NADK: variants seen among roughly 807,000 people sequenced by gnomAD.
NADK encodes NAD kinase, also known as poly(P)/ATP NAD kinase.
In NADK, 22 loss-of-function variants were observed where a neutral mutation model predicts 49.8. That is an observed-to-expected ratio of 0.44 (90% confidence interval 0.32 to 0.63). NADK has a LOEUF of 0.63. Among genes scored for constraint, NADK ranks in the 30% least tolerant of loss-of-function variants. The pLI is 0.06. For synonymous variants in NADK, 268 were observed against 253.7 expected, an observed-to-expected ratio of 1.06 and a Z score of -0.54; for missense variants, 438 against 609.4, an observed-to-expected ratio of 0.72 and a Z score of 2.96.
chr1:1,769,371 AC>A (rs1645979075), intron 1 of NADK, among the ~76,000 whole-genome samples: 2 of 152,168 alleles, frequency 1.3e-5, no homozygotes, highest in Admixed American at 1.3e-4. Context: ...ACATGGCGAA[AC>A]CCCGTCTCTA....
intron 11 of NADK, among the ~76,000 whole-genome samples, 183 bp downstream of exon 11, chr1:1,753,384 C>T (rs895962527): frequency 2.6e-5 from 4 of 152,174 alleles, no homozygotes; most frequent in Non-Finnish European, 2.9e-5. Flanking sequence ...CATGTGCCAC[C>T]GTATGCGACC....
chr1:1,753,002 T>C lies in NADK; in HGVS notation c.1243A>G (p.Ser415Gly). The C allele has an allele frequency of 3.1e-6, 5 of 1,608,490 alleles. No homozygotes were observed. Among genetic ancestry groups the C allele is most frequent in the Non-Finnish European group, 4.2e-6 (5 of 1,177,852 alleles). Residue 415 changes from serine (S) to glycine (G), a missense_variant, in exon 12 of 12, where the codon AGC becomes GGC. Transcript: ENST00000341426. ...LPSICVRDPV[S>G]DWFESLAQCL... ...TGGGCGAGGCTCTCAAACCAGTCGC[T>C]CACGGGGTCCCGCACACAGATGGAG...
rs1204704533 is a variant in NADK at position 1,754,743 on chromosome 1, T to C, written c.689-45A>G. ...AGAGGGCATGCATCAGGGAAGTCAG[T>C]GGGGTCAGGGGCCCCACCCCAGGGA... On this transcript the variant is annotated intron_variant, in intron 7 of 11. Coordinates refer to ENST00000341426, the MANE Select transcript of NADK (RefSeq NM_023018.5). The surrounding 1 kb of genome is among the most constrained non-coding windows in gnomAD (Gnocchi z 4.3). 1.9e-6 allele frequency: 3 copies of C among 1,556,760 alleles called. No individual in the cohort carries two copies. The Admixed American group carries it at 5.6e-5, about 29-fold the overall frequency.
chr1:1,753,137 C>T, intron 11 of NADK, 77 bp from the exon 12 acceptor site: 2 of 1,505,330 alleles, frequency 1.3e-6, no homozygotes, highest in Non-Finnish European at 1.8e-6. Context: ...TCCTCCCTCC[C>T]TCCCTGGGAA....
At chr1:1,758,636 A>T in intron 3 of NADK, 1 of 1,434,684 alleles carries the variant, frequency 7.0e-7, no homozygotes, top group Non-Finnish European at 9.1e-7. Context: ...TTGTTGTAAA[A>T]GCAACTAAGT....
chr1:1,762,813 G>A (rs1038058200), intron 2 of NADK, among the ~76,000 whole-genome samples: 3 of 152,154 alleles, frequency 2.0e-5, no homozygotes, highest in East Asian at 3.8e-4. Flanking sequence ...CCAGATGAAC[G>A]GCTCAACAAC....
At chr1:1,757,787 G>A (rs534681770) in intron 3 of NADK, among the ~76,000 whole-genome samples, 3 of 152,016 alleles carry the variant, frequency 2.0e-5, no homozygotes, top group African/African-American at 7.3e-5. Flanking sequence ...CTGGCCCCAC[G>A]GGAGCCCAGG....
At chr1:1,776,428 T>C (rs954700912) in intron 1 of NADK, among the ~76,000 whole-genome samples, 4 of 151,390 alleles carry the variant, frequency 2.6e-5, no homozygotes, top group Non-Finnish European at 5.9e-5. Flanking sequence ...GGCTGCCAAC[T>C]GAAACAACAT....
chr1:1,760,748 C>A (rs7366653), intron 3 of NADK, among the ~76,000 whole-genome samples: 2,010 of 150,548 alleles, frequency 0.013, 108 homozygotes, highest in Admixed American at 0.099. Flanking sequence ...GCTGAGGCAC[C>A]AGTCCCAGAA....
chr1:1,756,796 G>T (rs1462981502), intron 4 of NADK, 188 bp from the exon 5 acceptor site: 6 of 1,034,306 alleles, frequency 5.8e-6, no homozygotes, highest in South Asian at 3.8e-5. Flanking sequence ...AGATGACTGG[G>T]CGGAGGGGGC....
At chr1:1,755,890 C>A in intron 6 of NADK, 1 of 455,576 alleles carries the variant, frequency 2.2e-6, no homozygotes. Context: ...CAGGGTCCCC[C>A]ACACAGCGTG....
intron 1 of NADK, among the ~76,000 whole-genome samples, chr1:1,768,885 T>C (rs1218151890): frequency 1.3e-5 from 2 of 152,198 alleles, no homozygotes; most frequent in Non-Finnish European, 2.9e-5. Flanking sequence ...GTGGGCCCTA[T>C]GCTACGGTCA....
chr1:1,756,159 T>C, intron 6 of NADK, 99 bp downstream of exon 6: 1 of 1,166,660 alleles, frequency 8.6e-7, no homozygotes, highest in South Asian at 1.2e-5. Flanking sequence ...TGCTCTCGTA[T>C]AAAGGGGTGA....
chr1:1,754,440 C>T lies in NADK; in HGVS notation c.844-57G>A. 6.2e-7 allele frequency: 1 copy of T among 1,608,042 alleles called. No homozygotes were observed. The highest frequency in any genetic ancestry group is 8.5e-7 in the Non-Finnish European group (1 of 1,175,750). On this transcript the variant is annotated intron_variant, in intron 8 of 11. Coordinates refer to ENST00000341426, the MANE Select transcript of NADK (RefSeq NM_023018.5). This position sits in a 1 kb window ranked among gnomAD's most constrained non-coding sequence, Gnocchi z 4.3. ...CGGGGGATGCCGCACGGCTCGCAGA[C>T]ACCCTCCGTCTCACCCAGCCGGGCT...
chr1:1,754,189 C>A lies in NADK; in HGVS notation c.963G>T (p.Pro321=). Residue 321 remains proline (P), a synonymous_variant, in exon 10 of 12, where the codon CCG becomes CCT. Coordinates refer to ENST00000341426, the MANE Select transcript of NADK (RefSeq NM_023018.5). This position sits in a 1 kb window ranked among gnomAD's most constrained non-coding sequence, Gnocchi z 4.3. ...CGGCCGCATACGCCGTGCTGCCCGT[C>A]GGGGTGGACACGATCACTCCTGACA... The part of the protein sequence containing the change: ...VQGDGVIVST[P]TGSTAYAAAA... The A allele has an allele frequency of 5.0e-6, 8 of 1,612,616 alleles. No individual in the cohort carries two copies. Among genetic ancestry groups the A allele is most frequent in the Non-Finnish European group, 6.8e-6 (8 of 1,179,788 alleles).
chr1:1,761,099 TTC>T (rs1213141338), intron 3 of NADK, among the ~76,000 whole-genome samples: 1 of 152,192 alleles, frequency 6.6e-6, no homozygotes, highest in Non-Finnish European at 1.5e-5. Context: ...GTTCAAGCAG[TTC>T]TCTGTCTCAG....
In NADK at chr1:1,752,705, C is replaced by T. The variant is rs1477507974; in HGVS notation, c.*199G>A. 4.8e-6 allele frequency: 3 copies of T among 624,828 alleles called. No homozygotes were observed. The Admixed American group carries it at 9.6e-5, about 20-fold the overall frequency. 38.7% of individuals were successfully genotyped at this position (624,828 alleles called of 1,614,324 possible). A position where few individuals can be genotyped will look rare whatever the true frequency, so the allele number is the denominator to read the frequency against. On this transcript the variant is annotated 3_prime_UTR_variant, in exon 12 of 12. Transcript: ENST00000341426. Reference sequence around the variant, plus strand: ...CACTCCCAGCCCATTTCTCACGCTTCTTTAGAAATGCAAAAAAAGTCAGAC... The same window carrying T: ...CACTCCCAGCCCATTTCTCACGCTTTTTTAGAAATGCAAAAAAAGTCAGAC...
chr1:1,765,679 A>T (rs1015403787), intron 1 of NADK, among the ~76,000 whole-genome samples: 1 of 150,596 alleles, frequency 6.6e-6, no homozygotes, highest in Non-Finnish European at 1.5e-5. Context: ...TGGGAGGTAG[A>T]GGCGGGCAGA....
chr1:1,762,531 G>A (rs760040926), intron 2 of NADK, among the ~76,000 whole-genome samples: 54 of 152,170 alleles, frequency 3.5e-4, no homozygotes, highest in South Asian at 1.4e-3. Flanking sequence ...TGAGGTGGGT[G>A]GATCACGTGA....
Sources: allele counts gnomAD v4.1 joint callset (sites outside exome capture counted in the v4.1 genomes callset), GRCh38; gene constraint gnomAD v4.1.1; non-coding constraint Gnocchi (gnomAD v3.1); transcripts MANE v1.5; gene names NCBI Gene and HGNC (gene_info 2026-07-23, HGNC 2026-07-21).